Variants in ZNF385D observed in about 807,000 individuals in gnomAD.
ZNF385D encodes the protein zinc finger protein 385D, also known as zinc finger protein 659.
In ZNF385D, 15 loss-of-function variants were observed where a neutral mutation model predicts 35.8. That is an observed-to-expected ratio of 0.42 (90% CI 0.28 to 0.64). ZNF385D has a LOEUF of 0.64. ZNF385D is among the 30% of genes least tolerant of loss of function. ZNF385D has a pLI of 0.23. For missense variants in ZNF385D, 474 were observed against 494.6 expected, an observed-to-expected ratio of 0.96 and a Z score of 0.39; for synonymous variants, 212 against 186.8, an observed-to-expected ratio of 1.13 and a Z score of -1.10.
rs377385920 is a variant in ZNF385D, at chr3:21,891,394, T to A, written c.326-226366A>T. Among the ~76,000 whole-genome samples the A allele has an allele frequency of 1.6e-4, 25 of 152,188 alleles. 1 individual carries two copies. The highest frequency in any genetic ancestry group is 9.8e-4 in the Admixed American group (15 of 15,274). On this transcript the variant is annotated intron_variant, in intron 3 of 5. Transcript: ENST00000494108. ...TCAAGTAATGCGTGACTAGTTCAAATGTCTGCCCAGCCATCCTGACCACAC... is the reference window on the plus strand; with the variant it reads ...TCAAGTAATGCGTGACTAGTTCAAAAGTCTGCCCAGCCATCCTGACCACAC...
chr3:21,643,447 C>A (rs2065664904), intron 2 of ZNF385D, among the ~76,000 whole-genome samples: 1 of 152,124 alleles, frequency 6.6e-6, no homozygotes, highest in South Asian at 2.1e-4. Flanking sequence ...CCAGGAAGGA[C>A]TGGTGAAACA....
intron 4 of ZNF385D, among the ~76,000 whole-genome samples, chr3:21,446,070 C>T (rs758811947): frequency 9.7e-4 from 147 of 152,294 alleles, no homozygotes; most frequent in Non-Finnish European, 1.4e-3. Flanking sequence ...AAAACACAGA[C>T]TGCCCAGCCC....
intron 5 of ZNF385D, among the ~76,000 whole-genome samples, chr3:21,426,359 G>C (rs1049696769): frequency 1.3e-5 from 2 of 152,114 alleles, no homozygotes; most frequent in Non-Finnish European, 2.9e-5. Flanking sequence ...ATGGATAACT[G>C]CTTCCTTTTA....
intron 3 of ZNF385D, among the ~76,000 whole-genome samples, chr3:21,865,446 C>T (rs1400655094): frequency 6.6e-6 from 1 of 152,086 alleles, no homozygotes; most frequent in Admixed American, 6.6e-5. Flanking sequence ...ATTATTAAGG[C>T]ATTTTGAATG....
intron 2 of ZNF385D, among the ~76,000 whole-genome samples, chr3:22,247,310 A>G (rs886155279): frequency 3.9e-5 from 6 of 152,164 alleles, no homozygotes; most frequent in African/African-American, 1.4e-4. Flanking sequence ...TAAAAAAACT[A>G]AAGTAAAAAT....
chr3:21,600,769 A>G (rs2064262702), intron 2 of ZNF385D, among the ~76,000 whole-genome samples: 1 of 152,188 alleles, frequency 6.6e-6, no homozygotes, highest in African/African-American at 2.4e-5. Context: ...AAAATAGAAA[A>G]GGATGCTGAT....
At chr3:21,616,057 TTAAA>T (rs1239534748) in intron 2 of ZNF385D, among the ~76,000 whole-genome samples, 1 of 152,060 alleles carries the variant, frequency 6.6e-6, no homozygotes, top group Non-Finnish European at 1.5e-5. Flanking sequence ...TTTGTTCAAT[TTAAA>T]TAAGCTGAAA....
intron 3 of ZNF385D, among the ~76,000 whole-genome samples, chr3:22,018,752 A>G (rs1240085838): frequency 2.0e-5 from 3 of 151,986 alleles, no homozygotes; most frequent in African/African-American, 4.8e-5. Flanking sequence ...ATTTTACCAA[A>G]GATTCCTATG....
chr3:21,616,050 G>T (rs2064837400), intron 2 of ZNF385D, among the ~76,000 whole-genome samples: 1 of 151,872 alleles, frequency 6.6e-6, no homozygotes, highest in South Asian at 2.1e-4. Flanking sequence ...CATCAAGTTT[G>T]TTCAATTTAA....
chr3:21,556,087 T>TG, intron 3 of ZNF385D, among the ~76,000 whole-genome samples: 1 of 134,526 alleles, frequency 7.4e-6, no homozygotes, highest in African/African-American at 2.9e-5. Context: ...TTTTTTTTTT[T>TG]GTAAATTTAA....
chr3:22,046,750 T>C (rs1699028314), intron 3 of ZNF385D, among the ~76,000 whole-genome samples: 1 of 152,178 alleles, frequency 6.6e-6, no homozygotes. Flanking sequence ...TGATCATTAT[T>C]TCATTTGGAG....
At chr3:21,688,032 T>C (rs1423873307) in intron 1 of ZNF385D, among the ~76,000 whole-genome samples, 2 of 152,208 alleles carry the variant, frequency 1.3e-5, no homozygotes, top group Non-Finnish European at 2.9e-5. Flanking sequence ...AGTGTTGGGA[T>C]TACGGGCATG....
At chr3:21,849,705 T>A (rs886421302) in intron 3 of ZNF385D, 1 of 151,456 alleles carries the variant, frequency 6.6e-6, no homozygotes, top group Admixed American at 6.6e-5. Context: ...TCCTCAAAAT[T>A]TTTTCTTCTA....
chr3:22,337,271 T>C (rs1695214763), intron 2 of ZNF385D, among the ~76,000 whole-genome samples: 2 of 152,072 alleles, frequency 1.3e-5, no homozygotes, highest in African/African-American at 4.8e-5. Flanking sequence ...GCATCTCACG[T>C]CTGTAATCCC....
chr3:22,259,354 A>G (rs1467683469), intron 2 of ZNF385D, among the ~76,000 whole-genome samples: 1 of 151,672 alleles, frequency 6.6e-6, no homozygotes, highest in African/African-American at 2.4e-5. Flanking sequence ...TTTATCATTC[A>G]TAGCAATTAT....
At chr3:21,518,236 A>C (rs919816639) in intron 3 of ZNF385D, among the ~76,000 whole-genome samples, 4 of 152,104 alleles carry the variant, frequency 2.6e-5, no homozygotes, top group Non-Finnish European at 4.4e-5. Context: ...TTTTCCTTAA[A>C]AACATGTCAA....
chr3:21,708,029 T>C (rs73138895), intron 1 of ZNF385D, among the ~76,000 whole-genome samples: 34 of 152,318 alleles, frequency 2.2e-4, no homozygotes, highest in African/African-American at 7.5e-4. Flanking sequence ...ACAATCTCTA[T>C]GTGACTCAGT....
rs1200988417 is a variant in ZNF385D at position 21,413,283 on chromosome 3, G to T, written c.*7931C>A. ...TTTACCGAACACATGGGCCATTAAG[G>T]TGGCACAAATTAGCATTCTGAGCGT... On this transcript the variant is annotated 3_prime_UTR_variant, in exon 8 of 8. Coordinates refer to ENST00000281523, the MANE Select transcript of ZNF385D (RefSeq NM_024697.3). 6.6e-6 allele frequency: 1 copy of T among 152,000 alleles called. No individual in the cohort carries two copies. The highest frequency in any genetic ancestry group is 1.5e-5 in the Non-Finnish European group (1 of 67,988). 9.4% of individuals were successfully genotyped at this position (152,000 alleles called of 1,614,324 possible).
chr3:21,848,898 A>G (rs1283337845), intron 3 of ZNF385D, among the ~76,000 whole-genome samples: 1 of 152,098 alleles, frequency 6.6e-6, no homozygotes, highest in African/African-American at 2.4e-5. Flanking sequence ...ATAGATAATT[A>G]GAGATCATAG....
Sources: allele counts gnomAD v4.1 joint callset (sites outside exome capture counted in the v4.1 genomes callset), GRCh38; gene constraint gnomAD v4.1.1; transcripts MANE v1.5; gene names NCBI Gene and HGNC (gene_info 2026-07-23, HGNC 2026-07-21).